The following VSIR variants were observed in gnomAD, a reference collection of about 807,000 sequenced individuals.
VSIR encodes V-type immunoglobulin domain-containing suppressor of T-cell activation.
A neutral mutation model predicts 31.0 loss-of-function variants in VSIR; 10 were observed. That is an observed-to-expected ratio of 0.32 (90% CI 0.20 to 0.55). The LOEUF is 0.55. VSIR is among the 20% of genes least tolerant of loss of function. The pLI is 0.93. For missense variants in VSIR, 356 were observed against 416.2 expected, an observed-to-expected ratio of 0.86 and a Z score of 1.26; for synonymous variants, 179 against 180.1, an observed-to-expected ratio of 0.99 and a Z score of 0.05.
At chr10:71,764,039 G>C (rs566421899) in intron 1 of VSIR, among the ~76,000 whole-genome samples, 1 of 152,336 alleles carries the variant, frequency 6.6e-6, no homozygotes, top group South Asian at 2.1e-4. Flanking sequence ...GGTGAGCAGA[G>C]ATTTCAGAAC....
At chr10:71,760,752 C>T in intron 3 of VSIR, 116 bp downstream of exon 3, 1 of 921,022 alleles carries the variant, frequency 1.1e-6, no homozygotes, top group Non-Finnish European at 1.8e-6. Context: ...AGGAGGAGGA[C>T]CGGGGGGTTC....
Position 71,759,866 on chromosome 10 carries a change from T to C in VSIR, c.568+1002A>G, listed in dbSNP as rs868754194. 1.1e-3 allele frequency among the ~76,000 whole-genome samples: 90 copies of C among 83,510 alleles called. 6 individuals are homozygous for C. The highest frequency in any genetic ancestry group is 1.8e-3 in the South Asian group (4 of 2,210). The allele number at this position is 83,510 out of a possible 152,430, so 54.8% of individuals were successfully genotyped here. On this transcript the variant is annotated intron_variant, in intron 3 of 6. Transcript: ENST00000394957. ...ACACACATATACACACACACACACA[T>C]ATATATACACACACACACATATACA...
intron 3 of VSIR, among the ~76,000 whole-genome samples, chr10:71,759,946 CAT>C (rs1292389919): frequency 4.3e-5 from 4 of 93,172 alleles, no homozygotes; most frequent in East Asian, 2.9e-4. Context: ...TACACACACA[CAT>C]ATATATACAC....
At chr10:71,753,212 T>C (rs1840051363) in intron 4 of VSIR, among the ~76,000 whole-genome samples, 2 of 152,218 alleles carry the variant, frequency 1.3e-5, no homozygotes, top group South Asian at 4.1e-4. Flanking sequence ...GAGGGGCCCA[T>C]TTTGACGACT....
chr10:71,750,419 A>C lies in VSIR; in HGVS notation c.*834T>G, dbSNP rs1392871063. The C allele has an allele frequency of 6.7e-6, 1 of 149,172 alleles. No individual in the cohort carries two copies. Among genetic ancestry groups the C allele is most frequent in the African/African-American group, 2.4e-5 (1 of 40,920 alleles). The allele number at this position is 149,172 out of a possible 1,614,324, so 9.2% of individuals were successfully genotyped here. A position where few individuals can be genotyped will look rare whatever the true frequency, so the allele number is the denominator to read the frequency against. On this transcript the variant is annotated 3_prime_UTR_variant, in exon 7 of 7. Transcript: ENST00000394957. ...GGCACCCTTGCAATGGCCCGCGCTG[A>C]GCAGTGGGAGTAGGGGATGGGGAGG...
intron 3 of VSIR, among the ~76,000 whole-genome samples, chr10:71,759,325 A>T (rs1840235795): frequency 6.6e-6 from 1 of 151,620 alleles, no homozygotes; most frequent in Admixed American, 6.6e-5. Flanking sequence ...GGCGTGAGCC[A>T]CCGCACCTAA....
rs1839904487 is a variant in VSIR, at chr10:71,748,304, C to G, written c.*2949G>C. The G allele has an allele frequency of 6.6e-6, 1 of 152,426 alleles. No homozygotes were observed. Among genetic ancestry groups the G allele is most frequent in the African/African-American group, 2.4e-5 (1 of 41,468 alleles). 9.4% of individuals were successfully genotyped at this position (152,426 alleles called of 1,614,324 possible). On this transcript the variant is annotated 3_prime_UTR_variant, in exon 7 of 7. Coordinates refer to ENST00000394957, the MANE Select transcript of VSIR (RefSeq NM_022153.2). ...GTGGGAGCTCTGGTCAGGCAGAAGT[C>G]TTTTGAAAAGCAGGTCCTGGGGCTC...
intron 1 of VSIR, among the ~76,000 whole-genome samples, chr10:71,766,807 G>A (rs1467958351): frequency 2.0e-5 from 3 of 152,146 alleles, no homozygotes; most frequent in Non-Finnish European, 4.4e-5. Flanking sequence ...GGACAGGCCA[G>A]CACTGCAGAC....
At chr10:71,762,163 G>T in intron 1 of VSIR, 137 bp from the exon 2 acceptor site, 1 of 1,023,456 alleles carries the variant, frequency 9.8e-7, no homozygotes, top group African/African-American at 1.6e-5. Context: ...CCCTAAGACT[G>T]CCTTCTGCAT....
chr10:71,761,455 C>T lies in VSIR; in HGVS notation c.511+143G>A, dbSNP rs115768600. 3,650 of 1,006,040 alleles carry T rather than the reference C, an allele frequency of 3.6e-3. 106 individuals carry two copies. The African/African-American group carries it at 0.053, about 14-fold the overall frequency. 62.3% of individuals were successfully genotyped at this position (1,006,040 alleles called of 1,614,324 possible). On this transcript the variant is annotated intron_variant, in intron 2 of 6. Coordinates refer to ENST00000394957, the MANE Select transcript of VSIR (RefSeq NM_022153.2). ...CCACACTCCACACACCCTTGACCAC[C>T]CCATCTCACCCACACACTCCCTGGA... is the stretch of plus-strand genomic sequence containing the variant.
rs573090263 is a variant in VSIR, at chr10:71,750,412, C to T, written c.*841G>A. The T allele has an allele frequency of 2.0e-5, 3 of 149,896 alleles. No homozygotes were observed. Among genetic ancestry groups the T allele is most frequent in the East Asian group, 2.0e-4 (1 of 4,922 alleles). 9.3% of individuals were successfully genotyped at this position (149,896 alleles called of 1,614,324 possible). On this transcript the variant is annotated 3_prime_UTR_variant, in exon 7 of 7. Transcript: ENST00000394957. ...ATTGTGTGGCACCCTTGCAATGGCC[C>T]GCGCTGAGCAGTGGGAGTAGGGGAT...
intron 3 of VSIR, among the ~76,000 whole-genome samples, chr10:71,755,739 G>C (rs1354065449): frequency 6.6e-6 from 1 of 152,184 alleles, no homozygotes. Context: ...AGAGGGAACA[G>C]AGTCCTCATC....
chr10:71,751,902 G>T lies in VSIR; in HGVS notation c.705-41C>A. Reference sequence around the variant, plus strand: ...AATGGAAGGTCATCTGTGCTGTCCGGAGCGTGAACTCTGCCCTCCCTGCCC... The same window carrying T: ...AATGGAAGGTCATCTGTGCTGTCCGTAGCGTGAACTCTGCCCTCCCTGCCC... On this transcript the variant is annotated intron_variant, in intron 5 of 6. Coordinates refer to ENST00000394957, the MANE Select transcript of VSIR (RefSeq NM_022153.2). The surrounding 1 kb of genome is among the most constrained non-coding windows in gnomAD (Gnocchi z 4.9). The T allele has an allele frequency of 1.3e-6, 2 of 1,535,350 alleles. No homozygotes were observed. Among genetic ancestry groups the T allele is most frequent in the Non-Finnish European group, 1.8e-6 (2 of 1,135,692 alleles).
At chr10:71,760,010 TACACACACACATATATAC>T (rs1564779604) in intron 3 of VSIR, among the ~76,000 whole-genome samples, 4 of 96,564 alleles carry the variant, frequency 4.1e-5, no homozygotes, top group African/African-American at 1.2e-4. Context: ...TACATATATA[TACACACACACATATATAC>T]ACACACACAC....
Position 71,751,148 on chromosome 10 carries a change from G to C in VSIR, c.*105C>G. The C allele has an allele frequency of 7.5e-7, 1 of 1,338,522 alleles. No homozygotes were observed. The highest frequency in any genetic ancestry group is 1.3e-5 in the South Asian group (1 of 74,158). The allele number at this position is 1,338,522 out of a possible 1,614,324, so 82.9% of individuals were successfully genotyped here. ...CAGTATCTGAGCCCAGAGCAGGAGG[G>C]AGGGAACCAGGGCCGAGGCCAAGGA... is the stretch of plus-strand genomic sequence containing the variant. On this transcript the variant is annotated 3_prime_UTR_variant, in exon 7 of 7. Coordinates refer to ENST00000394957, the MANE Select transcript of VSIR (RefSeq NM_022153.2). The surrounding 1 kb of genome is among the most constrained non-coding windows in gnomAD (Gnocchi z 4.9).
chr10:71,773,436 C>T lies in VSIR; in HGVS notation c.4G>A (p.Gly2Ser), dbSNP rs1840736048. Residue 2 changes from glycine (G) to serine (S), a missense_variant, in exon 1 of 7, where the codon GGC becomes AGC. Coordinates refer to ENST00000394957, the MANE Select transcript of VSIR (RefSeq NM_022153.2). Reference sequence around the variant, plus strand: ...CCGGCCTCCAGGGCCGTGGGGACGCCCATGTCGCCGTCGGACGCGCAGAGG... The same window carrying T: ...CCGGCCTCCAGGGCCGTGGGGACGCTCATGTCGCCGTCGGACGCGCAGAGG... M[G>S]VPTALEAGSW... is the part of the protein sequence containing the mutation. 1 of 1,596,830 alleles carries T rather than the reference C, an allele frequency of 6.3e-7. No homozygotes were observed.
intron 4 of VSIR, chr10:71,753,851 C>T (rs1342566331): frequency 6.6e-6 from 3 of 456,354 alleles, no homozygotes; most frequent in Non-Finnish European, 1.3e-5. Flanking sequence ...CAAACCATGG[C>T]TATTGCTTAC....
rs1839886492 is a variant in VSIR at position 71,747,723 on chromosome 10, T to C, written c.*3530A>G. On this transcript the variant is annotated 3_prime_UTR_variant, in exon 7 of 7. Coordinates refer to ENST00000394957, the MANE Select transcript of VSIR (RefSeq NM_022153.2). ...TGAAAGTGTGTTGGAAAGCACCAAG[T>C]ATTCTAACAGAAAAGGCCAAGAAAC... 6.6e-6 allele frequency: 1 copy of C among 152,234 alleles called. No individual in the cohort carries two copies. Among genetic ancestry groups the C allele is most frequent in the Non-Finnish European group, 1.5e-5 (1 of 68,046 alleles). The allele number at this position is 152,234 out of a possible 1,614,324, so 9.4% of individuals were successfully genotyped here. A position where few individuals can be genotyped will look rare whatever the true frequency, so the allele number is the denominator to read the frequency against.
rs1308536803 is a variant in VSIR at position 71,750,600 on chromosome 10, C to T, written c.*653G>A. On this transcript the variant is annotated 3_prime_UTR_variant, in exon 7 of 7. Transcript: ENST00000394957. The stretch of plus-strand genomic sequence containing the variant: ...GGCCACCATGCCCCAATATGTACTT[C>T]CCGTTTCGGGACCACCAAGCTCTGG... 1 of 152,418 alleles carries T rather than the reference C, an allele frequency of 6.6e-6. No individual in the cohort carries two copies. The highest frequency in any genetic ancestry group is 2.4e-5 in the African/African-American group (1 of 41,478). The allele number at this position is 152,418 out of a possible 1,614,324, so 9.4% of individuals were successfully genotyped here. A position where few individuals can be genotyped will look rare whatever the true frequency, so the allele number is the denominator to read the frequency against.
Sources: allele counts gnomAD v4.1 joint callset (sites outside exome capture counted in the v4.1 genomes callset), GRCh38; gene constraint gnomAD v4.1.1; non-coding constraint Gnocchi (gnomAD v3.1); transcripts MANE v1.5; gene names NCBI Gene and HGNC (gene_info 2026-07-23, HGNC 2026-07-21).